Variants in CPXM2 observed in about 807,000 individuals in gnomAD.
The protein encoded by CPXM2 is inactive carboxypeptidase-like protein X2.
A neutral mutation model predicts 86.1 loss-of-function variants in CPXM2; 66 were observed. That is an observed-to-expected ratio of 0.77 (90% CI 0.63 to 0.94). The LOEUF (loss-of-function observed/expected upper bound fraction) is 0.94, where lower values mean the gene tolerates loss of function less well. CPXM2 is among the 40% of genes least tolerant of loss of function. The probability of loss-of-function intolerance (pLI) is 0.00; values close to 1 mark genes in which losing one functional copy is unlikely to be tolerated. For missense variants in CPXM2, 948 were observed against 1,026.3 expected, an observed-to-expected ratio of 0.92 and a Z score of 1.04; for synonymous variants, 388 against 400.2, an observed-to-expected ratio of 0.97 and a Z score of 0.36.
intron 7 of CPXM2, among the ~76,000 whole-genome samples, chr10:123,775,458 C>T (rs1204609597): frequency 6.6e-6 from 1 of 152,214 alleles, no homozygotes; most frequent in South Asian, 2.1e-4. Context: ...TACCCTAACC[C>T]CTTCCAATTA....
intron 6 of CPXM2, among the ~76,000 whole-genome samples, chr10:123,792,837 A>G (rs1029434083): frequency 6.6e-6 from 1 of 152,188 alleles, no homozygotes; most frequent in Non-Finnish European, 1.5e-5. Context: ...ACAAATCGGC[A>G]TCAGTGGAGA....
intron 11 of CPXM2, among the ~76,000 whole-genome samples, chr10:123,760,602 G>C (rs148685649): frequency 0.018 from 2,807 of 152,274 alleles, 39 homozygotes; most frequent in Non-Finnish European, 0.027. Context: ...TATCAGTACA[G>C]TGAAACCGAC....
intron 4 of CPXM2, 94 bp downstream of exon 4, chr10:123,842,255 C>T: frequency 6.6e-7 from 1 of 1,526,670 alleles, no homozygotes; most frequent in Non-Finnish European, 8.9e-7. Flanking sequence ...CATCACCAAA[C>T]ACCTCTCTGC....
chr10:123,883,433 T>C (rs1945126582), intron 1 of CPXM2, among the ~76,000 whole-genome samples: 1 of 152,156 alleles, frequency 6.6e-6, no homozygotes, highest in African/African-American at 2.4e-5. Flanking sequence ...TTCAGTTCCC[T>C]CATCAGTGAA....
At position 123,867,596 on chromosome 10, in the gene CPXM2, C is replaced by T. The variant is rs945655329; in HGVS notation, c.404-4873G>A. Among the ~76,000 whole-genome samples the T allele has an allele frequency of 4.4e-5, 6 of 136,974 alleles. No homozygotes were observed. The South Asian group carries it at 1.4e-3, about 32-fold the overall frequency. 89.9% of individuals were successfully genotyped at this position (136,974 alleles called of 152,430 possible). ...TCACCCAGGCTGCAGTGCAATGGTGCGATTTTGCTCACCGCAACCTCCACC... is the reference window on the plus strand; with the variant it reads ...TCACCCAGGCTGCAGTGCAATGGTGTGATTTTGCTCACCGCAACCTCCACC... On this transcript the variant is annotated intron_variant, in intron 2 of 13. Transcript: ENST00000241305.
At chr10:123,844,019 T>C (rs1259412333) in intron 3 of CPXM2, among the ~76,000 whole-genome samples, 3 of 152,154 alleles carry the variant, frequency 2.0e-5, no homozygotes, top group Non-Finnish European at 2.9e-5. Context: ...GTCAATTAAA[T>C]GTAGCACAGT....
chr10:123,862,347 A>G (rs1848867769), intron 3 of CPXM2, among the ~76,000 whole-genome samples: 3 of 152,218 alleles, frequency 2.0e-5, no homozygotes, highest in Non-Finnish European at 1.5e-5. Context: ...AGCATATGGA[A>G]GAGAAGTGTT....
At chr10:123,935,698 A>C (rs139555451) in intron 2 of CPXM2, among the ~76,000 whole-genome samples, 1 of 152,174 alleles carries the variant, frequency 6.6e-6, no homozygotes, top group African/African-American at 2.4e-5. Flanking sequence ...GGATGCAGTC[A>C]GGGAGGGACT....
intron 2 of CPXM2, among the ~76,000 whole-genome samples, chr10:123,866,542 G>A (rs1848984966): frequency 1.3e-5 from 2 of 150,734 alleles, no homozygotes; most frequent in African/African-American, 2.5e-5. Flanking sequence ...TCCAGCCTGG[G>A]CTACACAGTG....
intron 2 of CPXM2, among the ~76,000 whole-genome samples, chr10:123,933,555 T>C (rs1217621380): frequency 6.6e-6 from 1 of 151,906 alleles, no homozygotes; most frequent in East Asian, 1.9e-4. Flanking sequence ...CCATCTCTAC[T>C]AAAAATACAA....
chr10:123,786,486 A>G (rs1228699036), intron 6 of CPXM2, among the ~76,000 whole-genome samples: 2 of 152,180 alleles, frequency 1.3e-5, no homozygotes, highest in Non-Finnish European at 2.9e-5. Flanking sequence ...CCTGACGGCA[A>G]ACAATTGGAC....
At chr10:123,890,853 G>C (rs1945254495) in intron 1 of CPXM2, among the ~76,000 whole-genome samples, 1 of 152,132 alleles carries the variant, frequency 6.6e-6, no homozygotes, top group Admixed American at 6.5e-5. Flanking sequence ...GAGGACCCAA[G>C]AGACCCGCTG....
At chr10:123,835,972 C>T (rs532462670) in intron 4 of CPXM2, among the ~76,000 whole-genome samples, 31 of 152,146 alleles carry the variant, frequency 2.0e-4, no homozygotes, top group Non-Finnish European at 4.3e-4. Context: ...GAGGCTCGGG[C>T]TCCCCGACGC....
intron 13 of CPXM2, among the ~76,000 whole-genome samples, chr10:123,748,333 C>T (rs1359435077): frequency 6.6e-6 from 1 of 152,172 alleles, no homozygotes; most frequent in East Asian, 1.9e-4. Context: ...TCAAGGTTTG[C>T]TTATCTTAGC....
chr10:123,784,425 T>C (rs1847004272), intron 6 of CPXM2, among the ~76,000 whole-genome samples: 1 of 152,144 alleles, frequency 6.6e-6, no homozygotes. Flanking sequence ...ATACCAGCCC[T>C]AGGAAGCTAC....
At chr10:123,808,509 G>A (rs1022279839) in intron 4 of CPXM2, among the ~76,000 whole-genome samples, 10 of 152,216 alleles carry the variant, frequency 6.6e-5, no homozygotes, top group Admixed American at 2.0e-4. Context: ...GAGGACCATC[G>A]AAAGCTAGGG....
intron 4 of CPXM2, among the ~76,000 whole-genome samples, chr10:123,812,740 T>C (rs1261828130): frequency 1.3e-5 from 2 of 152,168 alleles, no homozygotes; most frequent in African/African-American, 4.8e-5. Flanking sequence ...ACTGTGCCCA[T>C]GAGGGATCTA....
At chr10:123,874,352 G>C in intron 2 of CPXM2, among the ~76,000 whole-genome samples, 1 of 151,708 alleles carries the variant, frequency 6.6e-6, no homozygotes, top group East Asian at 1.9e-4. Flanking sequence ...TTCCACCCTC[G>C]TGATCTAATC....
At chr10:123,922,981 C>T (rs541343256) in intron 2 of CPXM2, among the ~76,000 whole-genome samples, 6 of 152,250 alleles carry the variant, frequency 3.9e-5, no homozygotes, top group Admixed American at 6.5e-5. Flanking sequence ...AGCTTGAGGC[C>T]GTCCCATGCA....
Sources: allele counts gnomAD v4.1 joint callset (sites outside exome capture counted in the v4.1 genomes callset), GRCh38; gene constraint gnomAD v4.1.1; transcripts MANE v1.5; gene names NCBI Gene and HGNC (gene_info 2026-07-23, HGNC 2026-07-21).